FOXK2: variants seen among roughly 807,000 people sequenced by gnomAD.
FOXK2 encodes the protein forkhead box protein K2.
A neutral mutation model predicts 53.3 loss-of-function variants in FOXK2; 24 were observed. The ratio of observed to expected loss-of-function variants is 0.45; its 90% CI spans 0.33 to 0.63. The LOEUF is 0.63. FOXK2 is among the 30% of genes least tolerant of loss of function. The pLI is 0.03. For synonymous variants in FOXK2, 505 were observed against 407.1 expected, an observed-to-expected ratio of 1.24 and a Z score of -2.89; for missense variants, 952 against 910.5, an observed-to-expected ratio of 1.05 and a Z score of -0.59.
intron 6 of FOXK2, among the ~76,000 whole-genome samples, chr17:82,584,594 T>C (rs930389076): frequency 6.9e-6 from 1 of 144,416 alleles, no homozygotes; most frequent in African/African-American, 2.6e-5. Context: ...TCTCACTTTG[T>C]CACCAGGCTG....
chr17:82,573,191 T>A (rs1165102429), intron 4 of FOXK2, among the ~76,000 whole-genome samples: 3 of 151,650 alleles, frequency 2.0e-5, no homozygotes, highest in African/African-American at 7.3e-5. Context: ...AGACCCTGTC[T>A]CAAAAAGGAA....
chr17:82,574,228 T>C (rs552271366), intron 4 of FOXK2, among the ~76,000 whole-genome samples: 1 of 152,322 alleles, frequency 6.6e-6, no homozygotes, highest in East Asian at 1.9e-4. Flanking sequence ...AGGCCACTCC[T>C]GTGTCATTTC....
chr17:82,545,670 G>A (rs764127805), intron 1 of FOXK2, among the ~76,000 whole-genome samples: 15 of 149,524 alleles, frequency 1.0e-4, no homozygotes, highest in African/African-American at 2.2e-4. Context: ...CAACCTCTGC[G>A]TCCCAGGTTC....
intron 1 of FOXK2, among the ~76,000 whole-genome samples, chr17:82,522,955 C>T (rs59432810): frequency 0.015 from 2,306 of 151,988 alleles, 60 homozygotes; most frequent in African/African-American, 0.053. Flanking sequence ...CCACCACACC[C>T]AGCTAATTTT....
intron 1 of FOXK2, among the ~76,000 whole-genome samples, chr17:82,560,854 A>G (rs2044786016): frequency 6.6e-6 from 1 of 152,116 alleles, no homozygotes; most frequent in Admixed American, 6.6e-5. Flanking sequence ...CCAGCTACTC[A>G]GGAAGTTGAT....
intron 2 of FOXK2, among the ~76,000 whole-genome samples, chr17:82,567,087 C>T (rs973308840): frequency 2.6e-5 from 4 of 152,102 alleles, no homozygotes; most frequent in African/African-American, 9.7e-5. Context: ...CAAGGCCACT[C>T]GTGTGTTGCC....
At position 82,586,135 on chromosome 17, in the gene FOXK2, C is replaced by A. The variant is rs749538437; in HGVS notation, c.1511C>A (p.Pro504Gln). Reference sequence around the variant, plus strand: ...GTCTCTGGACAAGCTGTGGTCACCCCGGCAGCCGTGCTGGCCCCTCCTAAG... The same window carrying A: ...GTCTCTGGACAAGCTGTGGTCACCCAGGCAGCCGTGCTGGCCCCTCCTAAG... ...YTVSGQAVVT[P>Q]AAVLAPPKAE... Residue 504 changes from proline (P) to glutamine (Q), a missense_variant, in exon 7 of 9, where the codon CCG (proline) becomes CAG (glutamine). Pro to Gln is a moderately conservative substitution (Grantham distance 76). This residue lies in a region of FOXK2 where 551 missense variants were observed against 385.1 expected (regional missense o/e 1.43). Transcript: ENST00000335255. The A allele has an allele frequency of 6.2e-6, 10 of 1,612,480 alleles. No individual in the cohort carries two copies. Among genetic ancestry groups the A allele is most frequent in the Admixed American group, 1.7e-5 (1 of 59,966 alleles).
At chr17:82,587,545 T>G (rs1216398022) in intron 8 of FOXK2, 1 of 468,930 alleles carries the variant, frequency 2.1e-6, no homozygotes, top group African/African-American at 2.0e-5. Flanking sequence ...ATTTCCTGGG[T>G]GTGGCCTGGA....
chr17:82,525,273 T>C (rs753500222), intron 1 of FOXK2, among the ~76,000 whole-genome samples: 11 of 151,974 alleles, frequency 7.2e-5, no homozygotes, highest in Non-Finnish European at 1.2e-4. Context: ...GGGTTCTGGG[T>C]TCAAGCAATT....
intron 3 of FOXK2, among the ~76,000 whole-genome samples, chr17:82,571,409 T>C (rs2044916255): frequency 6.6e-6 from 1 of 152,146 alleles, no homozygotes. Flanking sequence ...GAGACCGGCC[T>C]GGCCAACATG....
At chr17:82,521,423 C>G (rs922650473) in intron 1 of FOXK2, among the ~76,000 whole-genome samples, 3 of 151,570 alleles carry the variant, frequency 2.0e-5, no homozygotes, top group Non-Finnish European at 4.4e-5. Context: ...CCACCCGCCT[C>G]GGCCTCCCAA....
At chr17:82,588,141 C>G (rs115983934) in intron 8 of FOXK2, 3 of 152,358 alleles carry the variant, frequency 2.0e-5, no homozygotes, top group South Asian at 4.1e-4. Context: ...TATGGAAGAA[C>G]AAGGTCTGGA....
At position 82,602,111 on chromosome 17, in the gene FOXK2, G is replaced by A. The variant is rs1360930649; in HGVS notation, c.*612G>A. 2.0e-5 allele frequency: 3 copies of A among 152,326 alleles called. No individual in the cohort carries two copies. Among genetic ancestry groups the A allele is most frequent in the Admixed American group, 6.5e-5 (1 of 15,290 alleles). The allele number at this position is 152,326 out of a possible 1,614,324, so 9.4% of individuals were successfully genotyped here. A position where few individuals can be genotyped will look rare whatever the true frequency, so the allele number is the denominator to read the frequency against. On this transcript the variant is annotated 3_prime_UTR_variant, in exon 9 of 9. Coordinates refer to ENST00000335255, the MANE Select transcript of FOXK2 (RefSeq NM_004514.4). Reference sequence around the variant, plus strand: ...TTGTCTGTCTTGTTCAAGTTCAGACGAAGCTACTCTGGCATCTGCACATTT... The same window carrying A: ...TTGTCTGTCTTGTTCAAGTTCAGACAAAGCTACTCTGGCATCTGCACATTT...
intron 1 of FOXK2, among the ~76,000 whole-genome samples, chr17:82,561,454 C>A (rs900440588): frequency 6.6e-6 from 1 of 151,934 alleles, no homozygotes; most frequent in Non-Finnish European, 1.5e-5. Flanking sequence ...GAGCATTGAA[C>A]CTTGAACATC....
At position 82,601,325 on chromosome 17, in the gene FOXK2, G is replaced by T. The variant is rs752156728; in HGVS notation, c.1809G>T (p.Met603Ile). 8 of 1,612,796 alleles carry T rather than the reference G, an allele frequency of 5.0e-6. No homozygotes were observed. In the East Asian group the frequency reaches 1.6e-4, roughly 31 times the overall value. ...VNNAAASPLH[M>I]LATHASASAS... ...CAGCCGCGGCGAGTCCTTTGCACAT[G>T]TTGGCAACACACGCATCCGCATCGG... The change falls in exon 9 of 9, where the codon ATG becomes ATT. Residue 603 changes from methionine to isoleucine, a missense_variant. Physicochemically the swap from Met to Ile is conservative, Grantham distance 10 (BLOSUM62 1). This residue lies in a region of FOXK2 where 551 missense variants were observed against 385.1 expected (regional missense o/e 1.43). Coordinates refer to ENST00000335255, the MANE Select transcript of FOXK2 (RefSeq NM_004514.4).
Position 82,520,264 on chromosome 17 carries a change from G to A in FOXK2, c.376G>A (p.Val126Met). Residue 126 changes from valine (V) to methionine (M), a missense_variant, in exon 1 of 9, where the codon GTG becomes ATG. Transcript: ENST00000335255. The stretch of plus-strand genomic sequence containing the variant: ...CAAGAACGGGGTATTCGTGGACGGC[G>A]TGTTCCAGAGGCGCGGGGCGCCGCC... The part of the protein sequence containing the change: ...LGKNGVFVDG[V>M]FQRRGAPPLQ... The A allele has an allele frequency of 7.8e-7, 1 of 1,280,152 alleles. No individual in the cohort carries two copies. The highest frequency in any genetic ancestry group is 9.9e-7 in the Non-Finnish European group (1 of 1,009,736). The allele number at this position is 1,280,152 out of a possible 1,614,324, so 79.3% of individuals were successfully genotyped here. A position where few individuals can be genotyped will look rare whatever the true frequency, so the allele number is the denominator to read the frequency against.
At chr17:82,581,210 C>T (rs1201112201) in intron 4 of FOXK2, among the ~76,000 whole-genome samples, 1 of 152,216 alleles carries the variant, frequency 6.6e-6, no homozygotes, top group East Asian at 1.9e-4. Flanking sequence ...TGTAAATTCA[C>T]GAAATGTTTC....
Position 82,568,185 on chromosome 17 carries a change from G to C in FOXK2, c.746G>C (p.Gly249Ala), listed in dbSNP as rs2044873170. 1.2e-6 allele frequency: 2 copies of C among 1,612,876 alleles called. No individual in the cohort carries two copies. Among genetic ancestry groups the C allele is most frequent in the Non-Finnish European group, 1.7e-6 (2 of 1,179,950 alleles). ...SQPENEKEAS[G>A]GDSPKDDSKP... ...CCTGAAAATGAAAAGGAAGCTTCAG[G>C]TGGAGACAGCCCGAAGGTAAAGGCT... Residue 249 changes from glycine (G) to alanine (A), a missense_variant, in exon 3 of 9, where the codon GGT (glycine) becomes GCT (alanine). Gly to Ala is a moderately conservative substitution (Grantham distance 60, BLOSUM62 0). This residue lies in a region of FOXK2 where 160 missense variants were observed against 214.2 expected (regional missense o/e 0.75). Transcript: ENST00000335255.
chr17:82,551,329 T>A (rs112310548), intron 1 of FOXK2, among the ~76,000 whole-genome samples: 12 of 144,142 alleles, frequency 8.3e-5, no homozygotes, highest in Admixed American at 2.2e-4. Context: ...AAAAAAAAAT[T>A]AAAAAAAAAA....
Sources: gnomAD v4.1 joint callset for allele counts (sites outside exome capture counted in the v4.1 genomes callset) on GRCh38, gnomAD v4.1.1 for gene constraint, gnomAD v4.1.1 regional missense constraint, MANE v1.5 for transcripts, NCBI Gene and HGNC (gene_info 2026-07-23, HGNC 2026-07-21) for gene names.